Variants in RNF10 observed in about 807,000 individuals in gnomAD.
The protein encoded by RNF10 is ring finger protein 10.
Under a neutral mutation model 91.4 loss-of-function variants are expected in RNF10, and 38 were observed. That is an observed-to-expected ratio of 0.42 (90% CI 0.32 to 0.54). The LOEUF is 0.54. Among genes scored for constraint, RNF10 ranks in the 20% least tolerant of loss-of-function variants. The pLI is 0.16. For missense variants in RNF10, 945 were observed against 1,012.0 expected, an observed-to-expected ratio of 0.93 and a Z score of 0.90; for synonymous variants, 364 against 366.3, an observed-to-expected ratio of 0.99 and a Z score of 0.07.
At chr12:120,550,603 C>CT (rs1184392958) in intron 2 of RNF10, among the ~76,000 whole-genome samples, 96 of 141,906 alleles carry the variant, frequency 6.8e-4, no homozygotes, top group South Asian at 1.6e-3. Flanking sequence ...TTTTTGTTTG[C>CT]TTTTTTTTTT....
intron 12 of RNF10, among the ~76,000 whole-genome samples, chr12:120,566,573 A>G (rs567156): frequency 0.79 from 120,460 of 151,890 alleles, 48,121 homozygotes; most frequent in Admixed American, 0.85. Flanking sequence ...ACCAGGCTGG[A>G]CAACATGGTG....
At chr12:120,571,317 C>G in intron 14 of RNF10, 26 bp downstream of exon 14, 3 of 1,512,234 alleles carry the variant, frequency 2.0e-6, no homozygotes, top group Non-Finnish European at 2.8e-6. Context: ...GTGAAGCAGC[C>G]CAGGGGTATT....
intron 1 of RNF10, among the ~76,000 whole-genome samples, chr12:120,536,559 A>G (rs1378617478): frequency 1.3e-5 from 2 of 152,200 alleles, no homozygotes; most frequent in African/African-American, 4.8e-5. Flanking sequence ...CCATTGGAGT[A>G]TGGGTTCTCG....
chr12:120,567,924 A>T (rs1280439888), intron 13 of RNF10, among the ~76,000 whole-genome samples: 1 of 151,776 alleles, frequency 6.6e-6, no homozygotes, highest in East Asian at 1.9e-4. Flanking sequence ...AACTTCTGTT[A>T]GAAGGCAGGG....
At chr12:120,566,150 G>T (rs1472680081) in intron 12 of RNF10, among the ~76,000 whole-genome samples, 1 of 152,186 alleles carries the variant, frequency 6.6e-6, no homozygotes, top group Non-Finnish European at 1.5e-5. Context: ...TATATCTCAA[G>T]TGGGACAAGT....
chr12:120,548,779 C>T (rs1399949097), intron 2 of RNF10, among the ~76,000 whole-genome samples: 3 of 151,422 alleles, frequency 2.0e-5, no homozygotes, highest in Non-Finnish European at 4.4e-5. Flanking sequence ...CTGCCTCAGT[C>T]TCCCGAGTAG....
intron 7 of RNF10, among the ~76,000 whole-genome samples, chr12:120,561,975 A>G (rs1181564506): frequency 2.0e-5 from 3 of 152,044 alleles, no homozygotes; most frequent in Non-Finnish European, 4.4e-5. Flanking sequence ...AGTTTTTTGT[A>G]TAGTGTTGTT....
chr12:120,566,633 G>A (rs1205574436), intron 12 of RNF10, among the ~76,000 whole-genome samples, 192 bp from the exon 13 acceptor site: 1 of 151,980 alleles, frequency 6.6e-6, no homozygotes, highest in Admixed American at 6.6e-5. Flanking sequence ...GTGGTGGCAC[G>A]TGCCTGTGGT....
At chr12:120,565,250 C>T (rs1593103651) in intron 11 of RNF10, 61 bp downstream of exon 11, 17 of 1,283,904 alleles carry the variant, frequency 1.3e-5, no homozygotes, top group Middle Eastern at 1.9e-4. Flanking sequence ...TGTGGCTAGA[C>T]ACCCAGTGGG....
At chr12:120,537,437 G>A (rs1033151214) in intron 1 of RNF10, among the ~76,000 whole-genome samples, 1 of 152,006 alleles carries the variant, frequency 6.6e-6, no homozygotes, top group African/African-American at 2.4e-5. Flanking sequence ...GACCAGCCTG[G>A]CCAACATGGT....
At chr12:120,535,575 T>G (rs559393242) in intron 1 of RNF10, 2 of 152,292 alleles carry the variant, frequency 1.3e-5, no homozygotes, top group South Asian at 2.1e-4. Context: ...CTTGTAAAGG[T>G]AGGTGGAGGT....
At chr12:120,536,434 A>G (rs982728583) in intron 1 of RNF10, among the ~76,000 whole-genome samples, 3 of 152,082 alleles carry the variant, frequency 2.0e-5, no homozygotes, top group African/African-American at 4.8e-5. Flanking sequence ...CTAAACAGTA[A>G]AAAGAAAACT....
At chr12:120,560,314 A>G (rs1232075659) in intron 6 of RNF10, among the ~76,000 whole-genome samples, 2 of 151,512 alleles carry the variant, frequency 1.3e-5, no homozygotes, top group East Asian at 1.9e-4. Context: ...ACCAGGCCCG[A>G]CTAACTTTTT....
chr12:120,534,824 T>C lies in RNF10; in HGVS notation c.13T>C (p.Ser5Pro). Reference protein sequence around the residue: MPLSSPNAAATASDM... With the variant: MPLSPPNAAATASDM... ...GAGGCCCCCGTTGATGCCGCTGAGCTCCCCCAACGCCGCCGCCACCGCCTC... is the reference window on the plus strand; with the variant it reads ...GAGGCCCCCGTTGATGCCGCTGAGCCCCCCCAACGCCGCCGCCACCGCCTC... The change falls in exon 1 of 17, where the codon TCC (serine) becomes CCC (proline). Residue 5 changes from serine to proline, a missense_variant. Physicochemically the swap from Ser to Pro is moderately conservative, Grantham distance 74. Coordinates refer to ENST00000325954, the MANE Select transcript of RNF10 (RefSeq NM_014868.5). 1.3e-6 allele frequency: 2 copies of C among 1,587,034 alleles called. No homozygotes were observed. The highest frequency in any genetic ancestry group is 1.7e-6 in the Non-Finnish European group (2 of 1,172,838).
Position 120,542,387 on chromosome 12 carries a change from C to T in RNF10, c.158-4018C>T, listed in dbSNP as rs557124568. Among the ~76,000 whole-genome samples, 3 of 152,226 alleles carry T rather than the reference C, an allele frequency of 2.0e-5. No individual in the cohort carries two copies. In the South Asian group the frequency reaches 6.2e-4, roughly 32 times the overall value. On this transcript the variant is annotated intron_variant, in intron 1 of 16. Transcript: ENST00000325954. ...CAGGCTGGTCGCAAACTCGTGGACT[C>T]AAGTGATCCTCTTGCTTTGGCTTCC...
intron 2 of RNF10, 148 bp downstream of exon 2, chr12:120,546,749 C>A: frequency 4.9e-6 from 3 of 608,940 alleles, no homozygotes; most frequent in Non-Finnish European, 7.6e-6. Context: ...GAGGGTTAAC[C>A]AGGTTTGAAA....
At chr12:120,575,765 T>C (rs1378878203) in intron 15 of RNF10, 27 bp from the exon 16 acceptor site, 1 of 1,614,144 alleles carries the variant, frequency 6.2e-7, no homozygotes, top group Admixed American at 1.7e-5. Context: ...GAGTTGTTTC[T>C]ATAGTTTTAA....
chr12:120,572,160 G>A (rs1169270854), intron 14 of RNF10, among the ~76,000 whole-genome samples: 6 of 151,152 alleles, frequency 4.0e-5, no homozygotes, highest in South Asian at 4.2e-4. Context: ...TCCGCCTCCC[G>A]GGTTCACGCC....
intron 6 of RNF10, among the ~76,000 whole-genome samples, chr12:120,559,371 G>C (rs1192254687): frequency 6.6e-6 from 1 of 150,990 alleles, no homozygotes; most frequent in Non-Finnish European, 1.5e-5. Context: ...TTGTGTGTGT[G>C]TGTTGTGCTT....
Sources: allele counts gnomAD v4.1 joint callset (sites outside exome capture counted in the v4.1 genomes callset), GRCh38; gene constraint gnomAD v4.1.1; transcripts MANE v1.5; gene names NCBI Gene and HGNC (gene_info 2026-07-23, HGNC 2026-07-21).